Variants in KCNH7 observed in about 807,000 individuals in gnomAD.
The protein encoded by KCNH7 is voltage-gated inwardly rectifying potassium channel KCNH7.
KCNH7 carries 49 observed loss-of-function variants against 120.8 expected under a neutral mutation model. The ratio of observed to expected loss-of-function variants is 0.41; its 90% CI spans 0.32 to 0.51. The LOEUF is 0.51. KCNH7 is among the 20% of genes least tolerant of loss of function. The pLI is 0.38. For synonymous variants in KCNH7, 547 were observed against 516.1 expected (o/e 1.06, Z -0.81); for missense variants, 1,097 against 1,446.6 (o/e 0.76, Z 3.92).
At chr2:162,740,669 G>C (rs928461715) in intron 2 of KCNH7, among the ~76,000 whole-genome samples, 2 of 152,178 alleles carry the variant, frequency 1.3e-5, no homozygotes, top group Non-Finnish European at 2.9e-5. Flanking sequence ...CAATCTTACA[G>C]CAGGTCCAAG....
At chr2:162,834,064 A>G (rs2105624001) in intron 2 of KCNH7, among the ~76,000 whole-genome samples, 1 of 152,204 alleles carries the variant, frequency 6.6e-6, no homozygotes, top group East Asian at 1.9e-4. Flanking sequence ...AAACCAACAA[A>G]TATGTTGGTG....
chr2:162,573,785 A>G (rs1460012421), intron 2 of KCNH7, among the ~76,000 whole-genome samples: 1 of 152,052 alleles, frequency 6.6e-6, no homozygotes, highest in African/African-American at 2.4e-5. Context: ...ACTGCTTTAC[A>G]AAATATTATT....
chr2:162,790,866 T>C (rs966794120), intron 2 of KCNH7, among the ~76,000 whole-genome samples: 3 of 152,094 alleles, frequency 2.0e-5, no homozygotes, highest in Non-Finnish European at 4.4e-5. Flanking sequence ...ATATCCACAG[T>C]TGAAATCATA....
intron 2 of KCNH7, among the ~76,000 whole-genome samples, chr2:162,836,266 G>A (rs1685660814): frequency 2.6e-5 from 4 of 152,132 alleles, no homozygotes; most frequent in Admixed American, 2.0e-4. Flanking sequence ...CTTAAAGAAA[G>A]GAGCATCTAA....
Position 162,513,307 on chromosome 2 carries a change from CTCCTTCCTTCTT to C in KCNH7, c.893-645_893-634del, listed in dbSNP as rs1200771537. 9.8e-4 allele frequency among the ~76,000 whole-genome samples: 107 copies of C among 108,938 alleles called. 1 individual carries two copies. The highest frequency in any genetic ancestry group is 6.9e-4 in the African/African-American group (20 of 29,004). 71.5% of individuals were successfully genotyped at this position (108,938 alleles called of 152,430 possible). ...CTTCCCTCCTTCCTTCCCTCCTTCC[CTCCTTCCTTCTT>C]TCCTTCCTTCTTTCCTTCCTTCCCT... is the stretch of plus-strand genomic sequence containing the variant. On this transcript the variant is annotated intron_variant, in intron 4 of 15. Transcript: ENST00000332142.
chr2:162,819,029 C>A lies in KCNH7; in HGVS notation c.307+17508G>T, dbSNP rs185263846. Among the ~76,000 whole-genome samples the A allele has an allele frequency of 1.5e-3, 234 of 152,150 alleles. 1 individual carries two copies. The highest frequency in any genetic ancestry group is 4.9e-3 in the African/African-American group (202 of 41,522). The stretch of plus-strand genomic sequence containing the variant: ...CATTCTACAAAACAATGAACCTGTA[C>A]CCTTAAAGAATATCAATGTCATGAA... On this transcript the variant is annotated intron_variant, in intron 2 of 15. Transcript: ENST00000332142.
chr2:162,393,004 T>G (rs887655950), intron 12 of KCNH7, among the ~76,000 whole-genome samples: 1 of 151,942 alleles, frequency 6.6e-6, no homozygotes. Flanking sequence ...TTATGGTAGC[T>G]TGGCCCAGAG....
intron 2 of KCNH7, among the ~76,000 whole-genome samples, chr2:162,651,555 A>G: frequency 6.6e-6 from 1 of 152,098 alleles, no homozygotes; most frequent in Admixed American, 6.6e-5. Flanking sequence ...ATGGCTGAAT[A>G]GTATTCCATG....
intron 2 of KCNH7, among the ~76,000 whole-genome samples, chr2:162,758,052 G>A (rs550498494): frequency 4.6e-5 from 7 of 152,220 alleles, no homozygotes; most frequent in East Asian, 1.9e-4. Flanking sequence ...ACTGGTTACC[G>A]GGAGAAAAGT....
At chr2:162,783,849 G>A (rs1683600133) in intron 2 of KCNH7, among the ~76,000 whole-genome samples, 1 of 152,086 alleles carries the variant, frequency 6.6e-6, no homozygotes, top group Non-Finnish European at 1.5e-5. Context: ...CTATATTAAA[G>A]AGAATATTTC....
intron 2 of KCNH7, among the ~76,000 whole-genome samples, chr2:162,805,997 C>A (rs934531506): frequency 6.6e-4 from 100 of 152,152 alleles, no homozygotes; most frequent in African/African-American, 2.3e-3. Context: ...AAACCAAATA[C>A]CGTATGTTCT....
At chr2:162,523,841 T>C (rs1374279885) in intron 3 of KCNH7, among the ~76,000 whole-genome samples, 2 of 151,972 alleles carry the variant, frequency 1.3e-5, no homozygotes, top group Admixed American at 6.6e-5. Context: ...GATTATGTCA[T>C]ATTTTTACTG....
intron 4 of KCNH7, among the ~76,000 whole-genome samples, chr2:162,514,556 T>C (rs1050969334): frequency 6.6e-6 from 1 of 151,774 alleles, no homozygotes; most frequent in African/African-American, 2.4e-5. Flanking sequence ...TCCATGACAA[T>C]GCAAGTACAG....
chr2:162,552,636 T>A (rs1692710080), intron 2 of KCNH7, among the ~76,000 whole-genome samples: 2 of 152,178 alleles, frequency 1.3e-5, no homozygotes, highest in Admixed American at 1.3e-4. Context: ...CTTACTAGAA[T>A]CACAGGAGAC....
chr2:162,429,381 G>GCCTTTTTTTTTT (rs1687982150), intron 8 of KCNH7, among the ~76,000 whole-genome samples: 1 of 43,426 alleles, frequency 2.3e-5, no homozygotes, highest in African/African-American at 1.4e-4. Flanking sequence ...TGAGGAAAAA[G>GCCTTTTTTTTTT]TCTTTTTTTT....
intron 2 of KCNH7, among the ~76,000 whole-genome samples, chr2:162,739,977 A>G (rs1274013413): frequency 6.6e-6 from 1 of 152,190 alleles, no homozygotes; most frequent in Admixed American, 6.5e-5. Flanking sequence ...AATCCAAATA[A>G]GAGGAGCCAA....
At chr2:162,479,781 C>T (rs375304725) in intron 6 of KCNH7, among the ~76,000 whole-genome samples, 10 of 151,834 alleles carry the variant, frequency 6.6e-5, no homozygotes, top group African/African-American at 9.7e-5. Flanking sequence ...TTTACCTACC[C>T]GAGGATGCCT....
At chr2:162,636,009 A>G (rs947854196) in intron 2 of KCNH7, among the ~76,000 whole-genome samples, 1 of 152,058 alleles carries the variant, frequency 6.6e-6, no homozygotes, top group Non-Finnish European at 1.5e-5. Context: ...CTCTTGGAAG[A>G]GCCCATGTCC....
intron 2 of KCNH7, among the ~76,000 whole-genome samples, chr2:162,624,587 A>C (rs1402390110): frequency 6.6e-6 from 1 of 152,138 alleles, no homozygotes; most frequent in African/African-American, 2.4e-5. Context: ...ACCTATGTAA[A>C]TTTCCAAAGT....
Sources: gnomAD v4.1 joint callset for allele counts (sites outside exome capture counted in the v4.1 genomes callset) on GRCh38, gnomAD v4.1.1 for gene constraint, MANE v1.5 for transcripts, NCBI Gene and HGNC (gene_info 2026-07-23, HGNC 2026-07-21) for gene names.